The following TPH1 variants were observed in gnomAD, a reference collection of about 807,000 sequenced individuals.
TPH1 encodes the protein tryptophan 5-hydroxylase 1.
In TPH1, 37 loss-of-function variants were observed where a neutral mutation model predicts 49.5. That is an observed-to-expected ratio of 0.75 (90% CI 0.58 to 0.98). TPH1 has a LOEUF of 0.98. TPH1 is among the 50% of genes least tolerant of loss of function. TPH1 has a pLI of 0.00. For synonymous variants in TPH1, 160 were observed against 182.1 expected, an observed-to-expected ratio of 0.88 and a Z score of 0.98; for missense variants, 487 against 523.6, an observed-to-expected ratio of 0.93 and a Z score of 0.68.
At position 18,023,924 on chromosome 11, in the gene TPH1, A is replaced by G. The variant is rs757670406; in HGVS notation, c.990T>C (p.Phe330=). 2 of 1,613,500 alleles carry G rather than the reference A, an allele frequency of 1.2e-6. No individual in the cohort carries two copies. The highest frequency in any genetic ancestry group is 1.7e-6 in the Non-Finnish European group (2 of 1,179,736). The stretch of plus-strand genomic sequence containing the variant: ...TGATAGAAGAAAGTAAGCCAGCACC[A>G]AAGACTCTTAGCTGTCCATCTTGTT... The part of the protein sequence containing the change: ...LCKQDGQLRV[F]GAGLLSSISE... The change falls in exon 9 of 11, where the codon TTT becomes TTC. Residue 330 remains phenylalanine, a synonymous_variant. Transcript: ENST00000682019.
chr11:18,019,446 A>G lies in TPH1; in HGVS notation c.*1545T>C, dbSNP rs1266670089. 3.1e-6 allele frequency: 1 copy of G among 327,380 alleles called. No individual in the cohort carries two copies. The allele number at this position is 327,380 out of a possible 1,614,324, so 20.3% of individuals were successfully genotyped here. On this transcript the variant is annotated 3_prime_UTR_variant, in exon 11 of 11. Transcript: ENST00000682019. Reference sequence around the variant, plus strand: ...CCTTTATAGACCTGTTCAATTTGAGATGCTTGGCAGGGCTGTCATATTGAA... The same window carrying G: ...CCTTTATAGACCTGTTCAATTTGAGGTGCTTGGCAGGGCTGTCATATTGAA...
chr11:18,033,207 C>A (rs143326806), intron 4 of TPH1, 67 bp downstream of exon 4: 1 of 1,217,550 alleles, frequency 8.2e-7, no homozygotes, highest in Non-Finnish European at 1.2e-6. Context: ...AAGCCGAGAT[C>A]GTGCCACTGC....
intron 4 of TPH1, among the ~76,000 whole-genome samples, chr11:18,030,775 A>AAAAC (rs774352177): frequency 8.5e-4 from 129 of 152,270 alleles, no homozygotes; most frequent in African/African-American, 2.1e-3. Context: ...CACAGTGATT[A>AAAAC]AAACAAACAA....
rs965972258 is a variant in TPH1 at position 18,019,911 on chromosome 11, T to C, written c.*1080A>G. 23 of 361,238 alleles carry C rather than the reference T, an allele frequency of 6.4e-5. No homozygotes were observed. Among genetic ancestry groups the C allele is most frequent in the African/African-American group, 4.7e-4 (22 of 46,796 alleles). 22.4% of individuals were successfully genotyped at this position (361,238 alleles called of 1,614,324 possible). ...CAGTCTCAGTCCTAAACCACTCTTC[T>C]TGACCTTTCTGACATTCTATTTCCT... On this transcript the variant is annotated 3_prime_UTR_variant, in exon 11 of 11. Transcript: ENST00000682019.
intron 8 of TPH1, among the ~76,000 whole-genome samples, chr11:18,024,403 C>A (rs1441033705): frequency 6.6e-6 from 1 of 152,160 alleles, no homozygotes; most frequent in Non-Finnish European, 1.5e-5. Flanking sequence ...ATGTTATAAA[C>A]CTTTTTAATG....
chr11:18,027,869 C>G (rs1277949205), intron 6 of TPH1, among the ~76,000 whole-genome samples: 1 of 152,184 alleles, frequency 6.6e-6, no homozygotes, highest in East Asian at 1.9e-4. Context: ...CTTGTAGAAA[C>G]TGTATTGCTC....
In TPH1 at chr11:18,020,097, G is replaced by C. The variant is rs1854340699; in HGVS notation, c.*894C>G. ...TCTTCCTTTGATAACAATGCTTCCT[G>C]TTAATCTGGGGACAATCCCATTATA... On this transcript the variant is annotated 3_prime_UTR_variant, in exon 11 of 11. Coordinates refer to ENST00000682019, the MANE Select transcript of TPH1 (RefSeq NM_004179.3). 1 of 212,440 alleles carries C rather than the reference G, an allele frequency of 4.7e-6. No individual in the cohort carries two copies. Among genetic ancestry groups the C allele is most frequent in the Non-Finnish European group, 9.5e-6 (1 of 105,700 alleles). 13.2% of individuals were successfully genotyped at this position (212,440 alleles called of 1,614,324 possible).
In TPH1 at chr11:18,028,752, C is replaced by T. The variant is rs992217317; in HGVS notation, c.667+413G>A. On this transcript the variant is annotated intron_variant, in intron 6 of 10. Transcript: ENST00000682019. ...AAAATTCTGACCTCCCATATCACTA[C>T]GCTTTATTCCCCTATTAAAAATGCT... Among the ~76,000 whole-genome samples the T allele has an allele frequency of 3.2e-4, 49 of 152,256 alleles. 1 individual carries two copies. Among genetic ancestry groups the T allele is most frequent in the East Asian group, 3.9e-4 (2 of 5,186 alleles).
At position 18,040,739 on chromosome 11, in the gene TPH1, G is replaced by T; in HGVS notation, c.24C>A (p.Asn8Lys). MIEDNKENKDHSLERGRA... is the reference protein window; with the variant it reads MIEDNKEKKDHSLERGRA... ...TTCCCCTTTCTAAGGAATGGTCTTT[G>T]TTCTCCTTATTGTCTTCAATCATGA... Residue 8 changes from asparagine (N) to lysine (K), a missense_variant, in exon 2 of 11, where the codon AAC (asparagine) becomes AAA (lysine). Asn to Lys is a moderately conservative substitution (Grantham distance 94). Transcript: ENST00000682019. 6.2e-7 allele frequency: 1 copy of T among 1,612,150 alleles called. No homozygotes were observed. Among genetic ancestry groups the T allele is most frequent in the Non-Finnish European group, 8.5e-7 (1 of 1,178,872 alleles).
Position 18,019,490 on chromosome 11 carries a change from T to C in TPH1, c.*1501A>G, listed in dbSNP as rs894882190. 8.1e-6 allele frequency: 3 copies of C among 369,574 alleles called. No individual in the cohort carries two copies. Among genetic ancestry groups the C allele is most frequent in the Non-Finnish European group, 1.6e-5 (3 of 189,650 alleles). 22.9% of individuals were successfully genotyped at this position (369,574 alleles called of 1,614,324 possible). A position where few individuals can be genotyped will look rare whatever the true frequency, so the allele number is the denominator to read the frequency against. ...TATTGAACAACCCCTATTCATTCTA[T>C]GTGGATGATGCCACATGAAGTTGTA... is the stretch of plus-strand genomic sequence containing the variant. On this transcript the variant is annotated 3_prime_UTR_variant, in exon 11 of 11. Coordinates refer to ENST00000682019, the MANE Select transcript of TPH1 (RefSeq NM_004179.3).
chr11:18,043,086 T>C (rs1229630650), intron 1 of TPH1, among the ~76,000 whole-genome samples: 1 of 152,188 alleles, frequency 6.6e-6, no homozygotes, highest in Non-Finnish European at 1.5e-5. Context: ...ACCATCACCA[T>C]GACATGCAGA....
At chr11:18,036,982 C>T (rs574847403) in intron 2 of TPH1, among the ~76,000 whole-genome samples, 2 of 151,934 alleles carry the variant, frequency 1.3e-5, no homozygotes, top group Admixed American at 6.5e-5. Context: ...GATGCAGGTG[C>T]TCAGCAAAGG....
intron 1 of TPH1, chr11:18,042,407 A>T (rs532240769): frequency 2.2e-6 from 1 of 453,540 alleles, no homozygotes; most frequent in East Asian, 7.0e-5. Context: ...TATCAAACAC[A>T]GAGTATGGGC....
rs1376617638 is a variant in TPH1, at chr11:18,018,252, C to T, written c.*2739G>A. 2 of 151,812 alleles carry T rather than the reference C, an allele frequency of 1.3e-5. No individual in the cohort carries two copies. Among genetic ancestry groups the T allele is most frequent in the East Asian group, 1.9e-4 (1 of 5,170 alleles). 9.4% of individuals were successfully genotyped at this position (151,812 alleles called of 1,614,324 possible). On this transcript the variant is annotated 3_prime_UTR_variant, in exon 11 of 11. Coordinates refer to ENST00000682019, the MANE Select transcript of TPH1 (RefSeq NM_004179.3). ...ACATTTGGGTAACTATTTACATATTCCTAGGTGCTTTGAAGACATATATTT... is the reference window on the plus strand; with the variant it reads ...ACATTTGGGTAACTATTTACATATTTCTAGGTGCTTTGAAGACATATATTT...
At chr11:18,045,474 A>AC (rs397778346) in intron 1 of TPH1, among the ~76,000 whole-genome samples, 1,736 of 65,586 alleles carry the variant, frequency 0.026, 26 homozygotes, top group African/African-American at 0.049. Flanking sequence ...TTAGAATTCC[A>AC]CCCCCCCCTT....
chr11:18,040,565 C>G, intron 2 of TPH1, 81 bp downstream of exon 2: 2 of 1,361,280 alleles, frequency 1.5e-6, no homozygotes, highest in Middle Eastern at 2.6e-4. Flanking sequence ...TAGGGTCTTG[C>G]TATGTTGCCC....
chr11:18,045,478 C>T (rs527928454), intron 1 of TPH1, among the ~76,000 whole-genome samples: 132 of 151,142 alleles, frequency 8.7e-4, no homozygotes, highest in African/African-American at 3.0e-3. Flanking sequence ...AATTCCACCC[C>T]CCCCTTTTTT....
chr11:18,032,572 G>A (rs1170335097), intron 4 of TPH1, among the ~76,000 whole-genome samples: 1 of 117,822 alleles, frequency 8.5e-6, no homozygotes, highest in Non-Finnish European at 1.6e-5. Flanking sequence ...TTGAGACAGA[G>A]TCTCACTCTG....
intron 9 of TPH1, 145 bp from the exon 10 acceptor site, chr11:18,023,076 C>G: frequency 1.1e-6 from 1 of 885,944 alleles, no homozygotes; most frequent in Non-Finnish European, 1.8e-6. Flanking sequence ...TAGCTCTATT[C>G]AACCCACAGT....
Sources: allele counts gnomAD v4.1 joint callset (sites outside exome capture counted in the v4.1 genomes callset), GRCh38; gene constraint gnomAD v4.1.1; transcripts MANE v1.5; gene names NCBI Gene and HGNC (gene_info 2026-07-23, HGNC 2026-07-21).